PARP10: variants seen among roughly 807,000 people sequenced by gnomAD.
The protein encoded by PARP10 is poly(ADP-ribose) polymerase family member 10.
Under a neutral mutation model 82.4 loss-of-function variants are expected in PARP10, and 56 were observed. The ratio of observed to expected loss-of-function variants is 0.68; its 90% CI spans 0.55 to 0.85. The LOEUF is 0.85. Among genes scored for constraint, PARP10 ranks in the 40% least tolerant of loss-of-function variants. The probability of loss-of-function intolerance (pLI) is 0.00; values close to 1 mark genes in which losing one functional copy is unlikely to be tolerated. For missense variants in PARP10, 1,227 were observed against 1,379.4 expected, an observed-to-expected ratio of 0.89 and a Z score of 1.75; for synonymous variants, 576 against 601.1, an observed-to-expected ratio of 0.96 and a Z score of 0.61.
In PARP10 at chr8:143,977,323, C is replaced by A; in HGVS notation, c.*161G>T. 1 of 776,046 alleles carries A rather than the reference C, an allele frequency of 1.3e-6. No individual in the cohort carries two copies. The highest frequency in any genetic ancestry group is 2.0e-6 in the Non-Finnish European group (1 of 500,944). The allele number at this position is 776,046 out of a possible 1,614,324, so 48.1% of individuals were successfully genotyped here. On this transcript the variant is annotated 3_prime_UTR_variant, in exon 11 of 11. Transcript: ENST00000313028. ...GGGACCTAGCCCGGCCCCCCTCGGC[C>A]GCTGCTGACCGCCATCCCCCACACC...
At chr8:144,003,151 G>A (rs755089746) in intron 1 of PARP10, among the ~76,000 whole-genome samples, 20 of 152,182 alleles carry the variant, frequency 1.3e-4, no homozygotes, top group Non-Finnish European at 2.4e-4. Context: ...AGCCGGGCAC[G>A]GTGGCTCACG....
Position 143,982,950 on chromosome 8 carries a change from G to A in PARP10, c.2538C>T (p.Ser846=), listed in dbSNP as rs782283772. 9 of 1,613,690 alleles carry A rather than the reference G, an allele frequency of 5.6e-6. No individual in the cohort carries two copies. Among genetic ancestry groups the A allele is most frequent in the Non-Finnish European group, 1.7e-6 (2 of 1,180,022 alleles). The change falls in exon 9 of 11, where the codon AGC becomes AGT. Residue 846 remains serine, a synonymous_variant. Transcript: ENST00000313028. ...AFYDTLDAAR[S]SIRVVRVERV... ...GACTCACACGAACGACGCGGATGCT[G>A]CTGCGGGCAGCGTCCAGGGTGTCGT...
chr8:143,996,540 CAG>C (rs1345513759), intron 1 of PARP10, among the ~76,000 whole-genome samples: 4 of 152,218 alleles, frequency 2.6e-5, no homozygotes, highest in Non-Finnish European at 5.9e-5. Flanking sequence ...ACCTTCAGAA[CAG>C]AGACTGTGCT....
chr8:143,983,093 A>G lies in PARP10; in HGVS notation c.2423-28T>C. On this transcript the variant is annotated intron_variant, in intron 8 of 10. Coordinates refer to ENST00000313028, the MANE Select transcript of PARP10 (RefSeq NM_032789.5). ...GATGCATGGGGAAAAGCGGGGGGTC[A>G]GAGCCATGCCTGGGGCACTAGCCCC... 1.9e-6 allele frequency: 3 copies of G among 1,613,824 alleles called. No individual in the cohort carries two copies. The South Asian group carries it at 3.3e-5, about 18-fold the overall frequency.
At chr8:143,991,958 C>T (rs782690889), upstream of PARP10, 9 of 1,613,642 alleles carry the variant, frequency 5.6e-6, no homozygotes, top group African/African-American at 2.7e-5. Flanking sequence ...AGGTGAAGGG[C>T]TTTGTCCGGG....
At chr8:143,987,857 C>T (rs539126813), upstream of PARP10, among the ~76,000 whole-genome samples, 3 of 152,086 alleles carry the variant, frequency 2.0e-5, no homozygotes, top group East Asian at 1.9e-4. Flanking sequence ...TGCCACTGCA[C>T]TCCAACCAAG....
At chr8:144,005,148 C>T (rs1354953391) in intron 1 of PARP10, among the ~76,000 whole-genome samples, 1 of 148,804 alleles carries the variant, frequency 6.7e-6, no homozygotes, top group Non-Finnish European at 1.5e-5. Flanking sequence ...CACTGCACTG[C>T]AGCCTGGGTG....
In PARP10 at chr8:144,011,613, T is replaced by C. The variant is rs114680292; in HGVS notation, c.-80+917A>G. On this transcript the variant is annotated intron_variant, in intron 1 of 3. Coordinates refer to the PARP10 transcript ENST00000530478. The surrounding 1 kb of genome is among the most constrained non-coding windows in gnomAD (Gnocchi z 4.5). The stretch of plus-strand genomic sequence containing the variant: ...AAGGTCAGTACCATAGAGTTATCTG[T>C]AGATAGCTCTAAGAGAAGGGGAGCA... Among the ~76,000 whole-genome samples, 4,890 of 152,202 alleles carry C rather than the reference T, an allele frequency of 0.032. 290 individuals carry two copies. Among genetic ancestry groups the C allele is most frequent in the African/African-American group, 0.11 (4,611 of 41,480 alleles).
chr8:143,989,092 C>G (rs1834047362), upstream of PARP10: 1 of 152,360 alleles, frequency 6.6e-6, no homozygotes, highest in Admixed American at 6.5e-5. The surrounding 1 kb of genome is among the most constrained non-coding windows in gnomAD (Gnocchi z 4.3). Flanking sequence ...TCACTAGGTC[C>G]GGCTGCTAAA....
chr8:144,007,196 G>T (rs1177697608), intron 1 of PARP10, among the ~76,000 whole-genome samples: 4 of 152,168 alleles, frequency 2.6e-5, no homozygotes, highest in South Asian at 4.1e-4. Context: ...TGACCCCTGG[G>T]GTTGATGACC....
chr8:143,977,851 A>AGGT, intron 10 of PARP10, 21 bp from the exon 11 acceptor site: 1 of 1,597,996 alleles, frequency 6.3e-7, no homozygotes, highest in Middle Eastern at 1.7e-4. Flanking sequence ...AGACGGGGCA[A>AGGT]GGTCAGGGTG....
chr8:143,978,113 C>A (rs1326185520), intron 9 of PARP10, 32 bp from the exon 10 acceptor site: 28 of 1,468,696 alleles, frequency 1.9e-5, no homozygotes, highest in African/African-American at 5.6e-5. Context: ...GGATTAAACA[C>A]CCTCCCTACG....
In PARP10 at chr8:143,977,890, C is replaced by A. The variant is rs983495172; in HGVS notation, c.2731+17G>T. On this transcript the variant is annotated intron_variant, in intron 10 of 10. Coordinates refer to ENST00000313028, the MANE Select transcript of PARP10 (RefSeq NM_032789.5). ...GGGGTGCGCAGAGCCCCCGCCCCTG[C>A]CCGGCTCAGGCCTCACCGTTGCGGC... 3 of 1,600,856 alleles carry A rather than the reference C, an allele frequency of 1.9e-6. No homozygotes were observed. Among genetic ancestry groups the A allele is most frequent in the Non-Finnish European group, 1.7e-6 (2 of 1,178,106 alleles).
chr8:143,991,545 C>T (rs782145922), upstream of PARP10: 41 of 1,559,702 alleles, frequency 2.6e-5, 1 homozygote, highest in South Asian at 4.5e-4. Flanking sequence ...TCCCCAGAGC[C>T]CCTTCCCCCC....
At chr8:143,979,740 G>C (rs571951267) in intron 9 of PARP10, among the ~76,000 whole-genome samples, 54 of 152,226 alleles carry the variant, frequency 3.5e-4, no homozygotes, top group Non-Finnish European at 3.2e-4. Context: ...GCAAAACCCC[G>C]TCTCGCTGGG....
Position 143,984,828 on chromosome 8 carries a change from TA to T in PARP10, c.1173del (p.Lys392ArgfsTer39). On this transcript the variant is annotated frameshift_variant, in exon 5 of 11. Transcript: ENST00000313028. LOFTEE classifies it high-confidence loss of function. ...PVGSAGPVET[S>X]KGLLGQEGLV... The stretch of plus-strand genomic sequence containing the variant: ...AGGCCCTCCTGCCCCAGCAACCCCT[TA>T]GAGGTCTCCACTGGGCCTGCAGACC... 6.2e-7 allele frequency: 1 copy of T among 1,612,286 alleles called. No individual in the cohort carries two copies. Among genetic ancestry groups the T allele is most frequent in the Non-Finnish European group, 8.5e-7 (1 of 1,178,918 alleles).
At chr8:143,991,215 C>T (rs370888238), upstream of PARP10, 7 of 1,564,928 alleles carry the variant, frequency 4.5e-6, no homozygotes, top group African/African-American at 8.3e-5. Flanking sequence ...GACCGCGGAA[C>T]CCGAGGCCAT....
At position 143,985,625 on chromosome 8, in the gene PARP10, C is replaced by T. The variant is rs1251057734; in HGVS notation, c.460G>A (p.Ala154Thr). 2.5e-6 allele frequency: 4 copies of T among 1,613,428 alleles called. No homozygotes were observed. The African/African-American group carries it at 5.3e-5, about 22-fold the overall frequency. Residue 154 changes from alanine to threonine, a missense_variant, in exon 4 of 11, where the codon GCC becomes ACC. Coordinates refer to ENST00000313028, the MANE Select transcript of PARP10 (RefSeq NM_032789.5). ...EADVRVLEEQAQNLGLEGTLV... is the reference protein window; with the variant it reads ...EADVRVLEEQTQNLGLEGTLV... ...GTCCCCTCCAGGCCCAGATTCTGGG[C>T]CTGCTCCTCCAGGACACGGACATCT... is the stretch of plus-strand genomic sequence containing the variant.
At chr8:143,991,521 C>A, upstream of PARP10, 1 of 1,546,098 alleles carries the variant, frequency 6.5e-7, no homozygotes, top group Non-Finnish European at 8.8e-7. Flanking sequence ...AGGGGGCTAC[C>A]CCCAGGGGCC....
Sources: allele counts gnomAD v4.1 joint callset (sites outside exome capture counted in the v4.1 genomes callset), GRCh38; gene constraint gnomAD v4.1.1; non-coding constraint Gnocchi (gnomAD v3.1); transcripts MANE v1.5; gene names NCBI Gene and HGNC (gene_info 2026-07-23, HGNC 2026-07-21).